The following FAM131B variants were observed in gnomAD, a reference collection of about 807,000 sequenced individuals.
The protein encoded by FAM131B is protein FAM131B.
Under a neutral mutation model 42.0 loss-of-function variants are expected in FAM131B, and 19 were observed. The observed-to-expected ratio is 0.45, with a 90% CI of 0.32 to 0.66. FAM131B has a LOEUF of 0.66. Among genes scored for constraint, FAM131B ranks in the 30% least tolerant of loss-of-function variants. FAM131B has a pLI of 0.05. For synonymous variants in FAM131B, 183 were observed against 177.6 expected, an observed-to-expected ratio of 1.03 and a Z score of -0.24; for missense variants, 370 against 468.4, an observed-to-expected ratio of 0.79 and a Z score of 1.94.
the FAM131B span, among the ~76,000 whole-genome samples, chr7:143,375,002 CA>C: frequency 2.0e-5 from 3 of 152,178 alleles, no homozygotes; most frequent in African/African-American, 7.2e-5. Flanking sequence ...GGAGACCCTC[CA>C]AAGGCCTGAA....
chr7:143,378,660 G>A, the FAM131B span, among the ~76,000 whole-genome samples: 7,923 of 146,656 alleles, frequency 0.054, 670 homozygotes, highest in East Asian at 0.42. Flanking sequence ...TGCAACTTCC[G>A]CCTCCTGGGT....
chr7:143,366,559 C>CTTTT (rs34519209), upstream of FAM131B, among the ~76,000 whole-genome samples: 19 of 138,360 alleles, frequency 1.4e-4, no homozygotes, highest in Admixed American at 2.2e-4. Flanking sequence ...GGTCTGTATT[C>CTTTT]TTTTTTTTTT....
the FAM131B span, chr7:143,380,386 G>A: frequency 2.0e-6 from 2 of 985,086 alleles, no homozygotes; most frequent in Non-Finnish European, 2.4e-6. The surrounding 1 kb of genome is among the most constrained non-coding windows in gnomAD (Gnocchi z 5.0). Flanking sequence ...CCGTCGCCCG[G>A]GGTCTCCACC....
chr7:143,356,985 G>A lies in FAM131B; in HGVS notation c.648C>T (p.His216=). The A allele has an allele frequency of 6.2e-7, 1 of 1,613,906 alleles. No individual in the cohort carries two copies. The highest frequency in any genetic ancestry group is 1.7e-5 in the Admixed American group (1 of 60,030). The change falls in exon 7 of 7, where the codon CAC becomes CAT. Residue 216 remains histidine, a synonymous_variant. Transcript: ENST00000443739. This position sits in a 1 kb window ranked among gnomAD's most constrained non-coding sequence, Gnocchi z 4.4. ...AGTACATACCCTGGGACACGTAAGA[G>A]TGAGGCCATCCATCCATGGGTGCTT... ...LAQAPMDGWP[H]SYVSQGMYCL...
At chr7:143,370,758 T>C in the FAM131B span, among the ~76,000 whole-genome samples, 2 of 152,188 alleles carry the variant, frequency 1.3e-5, no homozygotes. Context: ...TCAGGGCTGC[T>C]CTGTGTGTGT....
In FAM131B at chr7:143,357,427, G is replaced by C. The variant is rs369646042; in HGVS notation, c.467-4C>G. The C allele has an allele frequency of 6.2e-7, 1 of 1,603,602 alleles. No homozygotes were observed. The highest frequency in any genetic ancestry group is 8.5e-7 in the Non-Finnish European group (1 of 1,175,582). On this transcript the variant is annotated splice_region_variant and splice_polypyrimidine_tract_variant and intron_variant, in intron 5 of 6. Coordinates refer to ENST00000443739, the MANE Select transcript of FAM131B (RefSeq NM_001031690.3). The stretch of plus-strand genomic sequence containing the variant: ...ATAGCAAACTGCTCCATGACGCCTG[G>C]GGGAAGAAATGCAACAACCACAAAA...
chr7:143,381,325 A>G, the FAM131B span: 8 of 1,123,490 alleles, frequency 7.1e-6, no homozygotes, highest in African/African-American at 1.7e-5. Flanking sequence ...GCCCGGCTGG[A>G]GGCTGCTCCG....
chr7:143,381,554 CA>C, the FAM131B span: 4 of 1,606,098 alleles, frequency 2.5e-6, no homozygotes, highest in South Asian at 1.1e-5. Context: ...CGACCCACCC[CA>C]GCAGCCCGGC....
upstream of FAM131B, among the ~76,000 whole-genome samples, chr7:143,363,403 C>T (rs1284015845): frequency 6.6e-6 from 1 of 152,122 alleles, no homozygotes; most frequent in African/African-American, 2.4e-5. Context: ...TCGCAGTAGA[C>T]TAACAACAAT....
At chr7:143,371,894 G>A in the FAM131B span, among the ~76,000 whole-genome samples, 1 of 152,216 alleles carries the variant, frequency 6.6e-6, no homozygotes, top group African/African-American at 2.4e-5. Context: ...GAGGCAAAAT[G>A]ATTGCTGGGA....
Position 143,359,549 on chromosome 7 carries a change from C to T in FAM131B, c.175-130G>A, listed in dbSNP as rs193298807. 2 of 923,806 alleles carry T rather than the reference C, an allele frequency of 2.2e-6. No homozygotes were observed. The highest frequency in any genetic ancestry group is 2.6e-5 in the East Asian group (1 of 38,484). 57.2% of individuals were successfully genotyped at this position (923,806 alleles called of 1,614,324 possible). The stretch of plus-strand genomic sequence containing the variant: ...GCAGATGATAAGAAAAGCTACTATA[C>T]CCAAGAGTCCCAAGGAGGGATATAT... On this transcript the variant is annotated intron_variant, in intron 3 of 6. Transcript: ENST00000443739. The surrounding 1 kb of genome is among the most constrained non-coding windows in gnomAD (Gnocchi z 5.4).
Position 143,362,592 on chromosome 7 carries a change from G to A in FAM131B, c.12C>T (p.Ile4=). 1 of 1,220,850 alleles carries A rather than the reference G, an allele frequency of 8.2e-7. No homozygotes were observed. The highest frequency in any genetic ancestry group is 1.0e-6 in the Non-Finnish European group (1 of 980,814). The allele number at this position is 1,220,850 out of a possible 1,614,324, so 75.6% of individuals were successfully genotyped here. ...GGTACCCACCCACAGTCCGGGAGCC[G>A]ATGCAGCCCATGGCTCCGGGGGCCG... MGC[I]GSRTVGNEVI... The change falls in exon 1 of 7, where the codon ATC becomes ATT. Residue 4 remains isoleucine (I), a synonymous_variant. Transcript: ENST00000443739. This position sits in a 1 kb window ranked among gnomAD's most constrained non-coding sequence, Gnocchi z 7.7.
the FAM131B span, among the ~76,000 whole-genome samples, chr7:143,371,588 T>A: frequency 8.0e-6 from 1 of 125,650 alleles, no homozygotes; most frequent in African/African-American, 3.2e-5. Flanking sequence ...CACTCCAGCC[T>A]GGGCAACACC....
chr7:143,372,568 A>C, the FAM131B span, among the ~76,000 whole-genome samples: 1 of 152,246 alleles, frequency 6.6e-6, no homozygotes, highest in African/African-American at 2.4e-5. Context: ...ACCTTTGAGC[A>C]CCTGCAATGG....
chr7:143,362,535 C>CG lies in FAM131B; in HGVS notation c.28+40dup. The CG allele has an allele frequency of 3.6e-6, 4 of 1,118,030 alleles. No individual in the cohort carries two copies. Among genetic ancestry groups the CG allele is most frequent in the African/African-American group, 1.6e-5 (1 of 61,910 alleles). The allele number at this position is 1,118,030 out of a possible 1,614,324, so 69.3% of individuals were successfully genotyped here. On this transcript the variant is annotated intron_variant, in intron 1 of 6. Transcript: ENST00000443739. The surrounding 1 kb of genome is among the most constrained non-coding windows in gnomAD (Gnocchi z 7.7). ...TGGGGGAGGGGGTCGGAGGGCGGCC[C>CG]GGGGGGCCCAGCCCTGCCCCCGCCC...
chr7:143,369,630 G>T, the FAM131B span, among the ~76,000 whole-genome samples: 3 of 142,350 alleles, frequency 2.1e-5, no homozygotes, highest in East Asian at 6.2e-4. Context: ...AGCTGAGATC[G>T]CACCACTGCA....
rs117116088 is a variant in FAM131B at position 143,354,218 on chromosome 7, C to T, written c.*2332G>A. The T allele has an allele frequency of 0.016, 2,381 of 152,652 alleles. 23 individuals are homozygous for T. The highest frequency in any genetic ancestry group is 0.022 in the Non-Finnish European group (1,466 of 68,048). The allele number at this position is 152,652 out of a possible 1,614,324, so 9.5% of individuals were successfully genotyped here. A position where few individuals can be genotyped will look rare whatever the true frequency, so the allele number is the denominator to read the frequency against. Reference sequence around the variant, plus strand: ...CAATATGCCAGCACCCTGGGGAAAGCAGGTTCATGTATGAACCCTGCTAGA... The same window carrying T: ...CAATATGCCAGCACCCTGGGGAAAGTAGGTTCATGTATGAACCCTGCTAGA... On this transcript the variant is annotated 3_prime_UTR_variant, in exon 7 of 7. Transcript: ENST00000443739.
rs1803756105 is a variant in FAM131B at position 143,358,022 on chromosome 7, AC to A, written c.467-600del. Reference sequence around the variant, plus strand: ...GAGTAGATTTCAAGATCAACAGAGAACCCCCAAGAGAGCATCGTGGGCTTGT... The same window carrying A: ...GAGTAGATTTCAAGATCAACAGAGAACCCCAAGAGAGCATCGTGGGCTTGT... On this transcript the variant is annotated intron_variant, in intron 5 of 6. Coordinates refer to ENST00000443739, the MANE Select transcript of FAM131B (RefSeq NM_001031690.3). This position sits in a 1 kb window ranked among gnomAD's most constrained non-coding sequence, Gnocchi z 4.7. Among the ~76,000 whole-genome samples the A allele has an allele frequency of 6.6e-6, 1 of 152,070 alleles. No homozygotes were observed. The highest frequency in any genetic ancestry group is 2.4e-5 in the African/African-American group (1 of 41,390).
chr7:143,360,296 A>C, intron 1 of FAM131B, 147 bp from the exon 2 acceptor site: 1 of 1,461,594 alleles, frequency 6.8e-7, no homozygotes, highest in Non-Finnish European at 9.0e-7. Context: ...AGGGGAGACA[A>C]GTAGTAATGC....
Sources: allele counts gnomAD v4.1 joint callset (sites outside exome capture counted in the v4.1 genomes callset), GRCh38; gene constraint gnomAD v4.1.1; non-coding constraint Gnocchi (gnomAD v3.1); transcripts MANE v1.5; gene names NCBI Gene and HGNC (gene_info 2026-07-23, HGNC 2026-07-21).